MYH14: variants seen among roughly 807,000 people sequenced by gnomAD.
MYH14 encodes the protein myosin-14.
MYH14 carries 123 observed loss-of-function variants against 255.5 expected under a neutral mutation model. That is an observed-to-expected ratio of 0.48 (90% CI 0.42 to 0.56). The LOEUF is 0.56. Ranked by LOEUF, MYH14 falls within the 20% of genes least tolerant of loss-of-function variation. The pLI, the probability that MYH14 is intolerant of heterozygous loss-of-function variation, is 0.00. For synonymous variants in MYH14, 1,095 were observed against 1,161.2 expected (o/e 0.94, Z 1.16); for missense variants, 2,423 against 2,802.3 (o/e 0.86, Z 3.06).
At chr19:50,206,064 G>A (rs904312677) in intron 1 of MYH14, among the ~76,000 whole-genome samples, 1 of 152,170 alleles carries the variant, frequency 6.6e-6, no homozygotes, top group Non-Finnish European at 1.5e-5. Context: ...GAAGGGTAGG[G>A]CAGTCAGAGA....
chr19:50,222,437 G>A lies in MYH14; in HGVS notation c.563-646G>A, dbSNP rs573338812. Among the ~76,000 whole-genome samples the A allele has an allele frequency of 3.0e-5, 4 of 135,156 alleles. No homozygotes were observed. The East Asian group carries it at 6.7e-4, about 23-fold the overall frequency. The allele number at this position is 135,156 out of a possible 152,430, so 88.7% of individuals were successfully genotyped here. On this transcript the variant is annotated intron_variant, in intron 3 of 42. Transcript: ENST00000642316. ...AGAGCTTGCAGTGAGCCGAGATTGCGCCACTGTACTCCAGCCTGGGCGACA... is the reference window on the plus strand; with the variant it reads ...AGAGCTTGCAGTGAGCCGAGATTGCACCACTGTACTCCAGCCTGGGCGACA...
intron 2 of MYH14, 61 bp downstream of exon 2, chr19:50,210,831 T>C (rs1192107187): frequency 1.0e-5 from 16 of 1,526,714 alleles, no homozygotes; most frequent in Non-Finnish European, 1.4e-5. Flanking sequence ...GGGAACCAGG[T>C]CCACCACCCG....
At chr19:50,207,657 A>G (rs1436056473) in intron 1 of MYH14, among the ~76,000 whole-genome samples, 1 of 152,240 alleles carries the variant, frequency 6.6e-6, no homozygotes, top group African/African-American at 2.4e-5. Flanking sequence ...GTCAGGTTCC[A>G]GAGAAGGAAG....
chr19:50,278,866 T>G (rs572366423), intron 30 of MYH14, among the ~76,000 whole-genome samples: 78 of 149,962 alleles, frequency 5.2e-4, no homozygotes, highest in African/African-American at 1.9e-3. Context: ...CGCATGCCTG[T>G]AATCCCAGCT....
chr19:50,259,094 GCCC>G (rs1378985977), intron 18 of MYH14, 47 bp from the exon 19 acceptor site: 1 of 1,525,586 alleles, frequency 6.6e-7, no homozygotes, highest in Non-Finnish European at 8.8e-7. Context: ...ACCGTTTGGC[GCCC>G]CCGTGTGGCC....
chr19:50,213,571 C>T (rs2032313364), intron 2 of MYH14, among the ~76,000 whole-genome samples: 1 of 152,156 alleles, frequency 6.6e-6, no homozygotes, highest in African/African-American at 2.4e-5. Context: ...TTCTAGAATT[C>T]CAGACAGGAA....
Position 50,287,115 on chromosome 19 carries a change from C to CA in MYH14, c.4752+431dup, listed in dbSNP as rs935145729. On this transcript the variant is annotated intron_variant, in intron 34 of 42. Coordinates refer to ENST00000642316, the MANE Select transcript of MYH14 (RefSeq NM_001145809.2). ...CCTGGGTGACAGAGCGAGACTGTCTCAAAAAAAAAAGAGAACAAGAGGGGG... is the reference window on the plus strand; with the variant it reads ...CCTGGGTGACAGAGCGAGACTGTCTCAAAAAAAAAAAGAGAACAAGAGGGGG... Among the ~76,000 whole-genome samples, 40 of 146,202 alleles carry CA rather than the reference C, an allele frequency of 2.7e-4. No homozygotes were observed. The South Asian group carries it at 2.8e-3, about 10-fold the overall frequency.
chr19:50,231,862 G>C, intron 9 of MYH14, 68 bp from the exon 10 acceptor site: 1 of 1,592,574 alleles, frequency 6.3e-7, no homozygotes. Flanking sequence ...GATTGCCACC[G>C]ATGAATCCAG....
chr19:50,223,174 A>G (rs1172669766), intron 4 of MYH14, 64 bp downstream of exon 4: 1 of 1,608,266 alleles, frequency 6.2e-7, no homozygotes, highest in Non-Finnish European at 8.5e-7. Context: ...CTGTGTTTGG[A>G]ATGGGCAGGG....
chr19:50,233,187 T>A (rs73062744), intron 10 of MYH14, among the ~76,000 whole-genome samples: 2,937 of 152,014 alleles, frequency 0.019, 38 homozygotes, highest in Middle Eastern at 0.037. Flanking sequence ...TTTTTTCTTT[T>A]GAGAGGGAGT....
intron 40 of MYH14, among the ~76,000 whole-genome samples, chr19:50,305,759 C>G (rs1204498835): frequency 6.6e-6 from 1 of 151,664 alleles, no homozygotes; most frequent in Non-Finnish European, 1.5e-5. Context: ...GAGACCCCAT[C>G]TCTACAAAAA....
At chr19:50,223,702 C>G (rs961356915) in intron 5 of MYH14, among the ~76,000 whole-genome samples, 2 of 152,204 alleles carry the variant, frequency 1.3e-5, no homozygotes, top group African/African-American at 2.4e-5. Flanking sequence ...AAGCCCTGTT[C>G]TCACACTGCC....
intron 2 of MYH14, 81 bp from the exon 3 acceptor site, chr19:50,217,534 C>A (rs968069543): frequency 6.6e-7 from 1 of 1,524,590 alleles, no homozygotes; most frequent in East Asian, 2.3e-5. Flanking sequence ...TTGTGCAGTG[C>A]ACGGCCTGCT....
rs1043514694 is a variant in MYH14, at chr19:50,225,591, C to T, written c.724C>T (p.Leu242=). Residue 242 remains leucine (L), a synonymous_variant, in exon 7 of 43, where the codon CTG becomes TTG. Coordinates refer to ENST00000642316, the MANE Select transcript of MYH14 (RefSeq NM_001145809.2). The part of the protein sequence containing the change: ...ASVSTVSYGE[L]ERQLLQANPI... ...CATCTCCTGTGCCCGGCAGGGTGAG[C>T]TGGAGCGGCAGCTGCTTCAGGCCAA... 1 of 1,613,126 alleles carries T rather than the reference C, an allele frequency of 6.2e-7. No homozygotes were observed. Among genetic ancestry groups the T allele is most frequent in the African/African-American group, 1.3e-5 (1 of 75,050 alleles).
chr19:50,284,025 T>A (rs2035807587), intron 33 of MYH14, among the ~76,000 whole-genome samples: 2 of 151,166 alleles, frequency 1.3e-5, no homozygotes, highest in African/African-American at 4.9e-5. Context: ...TGAGCCGAGA[T>A]CATGCCATTG....
At chr19:50,286,067 C>T (rs2035879121) in intron 33 of MYH14, 1 of 157,874 alleles carries the variant, frequency 6.3e-6, no homozygotes. Context: ...ATCTGTGGGT[C>T]TATTTGTATG....
intron 40 of MYH14, among the ~76,000 whole-genome samples, chr19:50,303,798 A>G (rs2036570248): frequency 2.0e-5 from 3 of 152,334 alleles, no homozygotes; most frequent in South Asian, 4.1e-4. Context: ...ACAGACATCC[A>G]TGTTCAGAGA....
intron 39 of MYH14, 54 bp from the exon 40 acceptor site, chr19:50,301,607 C>T: frequency 6.9e-7 from 1 of 1,449,546 alleles, no homozygotes. Context: ...GATTTACCTA[C>T]CACCTTCCCT....
intron 25 of MYH14, 140 bp from the exon 26 acceptor site, chr19:50,271,709 G>A: frequency 1.4e-6 from 2 of 1,453,650 alleles, no homozygotes; most frequent in Non-Finnish European, 1.9e-6. Context: ...AGGAGAGGGA[G>A]GTGTAGGGGG....
Sources: allele counts gnomAD v4.1 joint callset (sites outside exome capture counted in the v4.1 genomes callset), GRCh38; gene constraint gnomAD v4.1.1; transcripts MANE v1.5; gene names NCBI Gene and HGNC (gene_info 2026-07-23, HGNC 2026-07-21).